Variants in IRX2 observed in about 807,000 individuals in gnomAD.
IRX2 encodes the protein iroquois homeobox 2.
In IRX2, 26 loss-of-function variants were observed where a neutral mutation model predicts 42.9. The ratio of observed to expected loss-of-function variants is 0.61; its 90% CI spans 0.44 to 0.84. The LOEUF is 0.84. Among genes scored for constraint, IRX2 ranks in the 40% least tolerant of loss-of-function variants. The pLI, the probability that IRX2 is intolerant of heterozygous loss-of-function variation, is 0.00. For missense variants in IRX2, 782 were observed against 713.9 expected, an observed-to-expected ratio of 1.10 and a Z score of -1.09; for synonymous variants, 424 against 353.9, an observed-to-expected ratio of 1.20 and a Z score of -2.22.
At position 2,749,647 on chromosome 5, in the gene IRX2, C is replaced by T. The variant is rs770309329; in HGVS notation, c.390G>A (p.Lys130=). Residue 130 remains lysine, a synonymous_variant, in exon 2 of 4, where the codon AAG becomes AAA. Coordinates refer to ENST00000302057, the MANE Select transcript of IRX2 (RefSeq NM_033267.5). The part of the protein sequence containing the change: ...NATRDATATL[K]AWLNEHRKNP... ...TCTTGCGGTGCTCGTTGAGCCAGGCCTTGAGAGTGGCCGTGGCGTCCCGCG... is the reference window on the plus strand; with the variant it reads ...TCTTGCGGTGCTCGTTGAGCCAGGCTTTGAGAGTGGCCGTGGCGTCCCGCG... 1 of 1,614,232 alleles carries T rather than the reference C, an allele frequency of 6.2e-7. No individual in the cohort carries two copies.
At chr5:2,744,219 A>G (rs1737609863), downstream of IRX2, among the ~76,000 whole-genome samples, 2 of 152,128 alleles carry the variant, frequency 1.3e-5, no homozygotes, top group South Asian at 4.2e-4. Context: ...ATAAGCGCAA[A>G]GGTTAATTTT....
Position 2,748,813 on chromosome 5 carries a change from G to C in IRX2, c.895C>G (p.Pro299Ala), listed in dbSNP as rs541340673. Residue 299 changes from proline (P) to alanine (A), a missense_variant, in exon 3 of 4, where the codon CCG becomes GCG. This residue lies in a region of IRX2 where 520 missense variants were observed against 437.8 expected (regional missense o/e 1.19). Transcript: ENST00000302057. Reference sequence around the variant, plus strand: ...CCACCGCGGGGCGCGGCCTCGGGCGGGGGGCTCAGCAGCGGCGCCTCCAAG... The same window carrying C: ...CCACCGCGGGGCGCGGCCTCGGGCGCGGGGCTCAGCAGCGGCGCCTCCAAG... ...TGLEAPLLSP[P>A]PEAAPRGGRK... The C allele has an allele frequency of 1.2e-4, 178 of 1,484,698 alleles. No homozygotes were observed. The African/African-American group carries it at 2.1e-3, about 18-fold the overall frequency. The allele number at this position is 1,484,698 out of a possible 1,614,324, so 92.0% of individuals were successfully genotyped here.
chr5:2,749,173 C>A, intron 2 of IRX2, 121 bp from the exon 3 acceptor site: 2 of 1,481,688 alleles, frequency 1.3e-6, no homozygotes, highest in African/African-American at 1.4e-5. Flanking sequence ...CGCCCCCACC[C>A]GGCCACGTGA....
Position 2,746,303 on chromosome 5 carries a change from A to T in IRX2, c.*1261T>A, listed in dbSNP as rs1433417552. On this transcript the variant is annotated 3_prime_UTR_variant, in exon 4 of 4. Coordinates refer to ENST00000302057, the MANE Select transcript of IRX2 (RefSeq NM_033267.5). ...CAGAATTTATTTACAAAAAGTTTAGATTCCATTGCAATACAACTTGCATAA... is the reference window on the plus strand; with the variant it reads ...CAGAATTTATTTACAAAAAGTTTAGTTTCCATTGCAATACAACTTGCATAA... 1 of 152,236 alleles carries T rather than the reference A, an allele frequency of 6.6e-6. No individual in the cohort carries two copies. Among genetic ancestry groups the T allele is most frequent in the African/African-American group, 2.4e-5 (1 of 41,468 alleles). 9.4% of individuals were successfully genotyped at this position (152,236 alleles called of 1,614,324 possible).
rs1737754397 is a variant in IRX2, at chr5:2,748,293, C to T, written c.1363+52G>A. On this transcript the variant is annotated intron_variant, in intron 3 of 3. Coordinates refer to ENST00000302057, the MANE Select transcript of IRX2 (RefSeq NM_033267.5). ...GGGTCTCCCGGGCGCTCCGCCTCCCCGGGGCTGGCTCTCCCTCCCCTCCCG... is the reference window on the plus strand; with the variant it reads ...GGGTCTCCCGGGCGCTCCGCCTCCCTGGGGCTGGCTCTCCCTCCCCTCCCG... 3.0e-6 allele frequency: 4 copies of T among 1,355,306 alleles called. No individual in the cohort carries two copies. In the African/African-American group the frequency reaches 4.6e-5, roughly 16 times the overall value. The allele number at this position is 1,355,306 out of a possible 1,614,324, so 84.0% of individuals were successfully genotyped here. A position where few individuals can be genotyped will look rare whatever the true frequency, so the allele number is the denominator to read the frequency against.
chr5:2,750,660 A>G (rs971290825), intron 1 of IRX2, among the ~76,000 whole-genome samples: 4 of 152,246 alleles, frequency 2.6e-5, no homozygotes, highest in Non-Finnish European at 5.9e-5. Context: ...CCGGAGCCGC[A>G]GCTGAATGCT....
At chr5:2,744,375 A>G (rs1270372047), downstream of IRX2, among the ~76,000 whole-genome samples, 1 of 152,208 alleles carries the variant, frequency 6.6e-6, no homozygotes, top group Non-Finnish European at 1.5e-5. Flanking sequence ...TACTCTAGTT[A>G]TAACATTACA....
At position 2,748,370 on chromosome 5, in the gene IRX2, C is replaced by G. The variant is rs761789529; in HGVS notation, c.1338G>C (p.Pro446=). ...CTTTCTTGGGCTCGTAGCCGCCGCCCGGGGACCGGTAGTGGGACTCGAGCG... is the reference window on the plus strand; with the variant it reads ...CTTTCTTGGGCTCGTAGCCGCCGCCGGGGGACCGGTAGTGGGACTCGAGCG... The part of the protein sequence containing the change: ...AHPLESHYRS[P]GGGYEPKKDA... The change falls in exon 3 of 4, where the codon CCG becomes CCC. Residue 446 remains proline, a synonymous_variant. Coordinates refer to ENST00000302057, the MANE Select transcript of IRX2 (RefSeq NM_033267.5). 5 of 1,459,836 alleles carry G rather than the reference C, an allele frequency of 3.4e-6. No individual in the cohort carries two copies. Among genetic ancestry groups the G allele is most frequent in the South Asian group, 2.7e-5 (2 of 73,826 alleles). 90.4% of individuals were successfully genotyped at this position (1,459,836 alleles called of 1,614,324 possible).
Position 2,751,202 on chromosome 5 carries a change from T to G in IRX2, c.212A>C (p.Asp71Ala), listed in dbSNP as rs1348131148. 32 of 1,273,298 alleles carry G rather than the reference T, an allele frequency of 2.5e-5. No individual in the cohort carries two copies. Among genetic ancestry groups the G allele is most frequent in the East Asian group, 1.3e-4 (4 of 29,752 alleles). 78.9% of individuals were successfully genotyped at this position (1,273,298 alleles called of 1,614,324 possible). A position where few individuals can be genotyped will look rare whatever the true frequency, so the allele number is the denominator to read the frequency against. Residue 71 changes from aspartate to alanine, a missense_variant, in exon 1 of 4, where the codon GAC becomes GCC. By Grantham distance (126) the Asp-to-Ala change is moderately radical (BLOSUM62 -2). Around this residue, in one of 3 missense-constraint regions of IRX2, gnomAD observed 256 missense variants for 250.0 expected, o/e 1.02. Transcript: ENST00000302057. The surrounding 1 kb of genome is among the most constrained non-coding windows in gnomAD (Gnocchi z 4.0). ...GFGSPLQYSA[D>A]AAAAAAGFPS... ...GAAGCCGGCGGCGGCGGCGGCGGCG[T>G]CGGCCGAGTACTGCAGCGGGCTCCC... is the stretch of plus-strand genomic sequence containing the variant.
At chr5:2,743,076 G>T (rs1737577501), downstream of IRX2, among the ~76,000 whole-genome samples, 1 of 152,314 alleles carries the variant, frequency 6.6e-6, no homozygotes. Context: ...GGAACCCCGA[G>T]CCCTCTCCCA....
In IRX2 at chr5:2,747,588, G is replaced by C. The variant is rs778410180; in HGVS notation, c.1392C>G (p.Gly464=). The C allele has an allele frequency of 7.4e-6, 12 of 1,613,832 alleles. No homozygotes were observed. The South Asian group carries it at 9.9e-5, about 13-fold the overall frequency. The part of the protein sequence containing the change: ...KDASEGCTVV[G]GGVQPYL ...TCTATAGGTAGGGCTGGACGCCCCC[G>C]CCAACCACGGTGCAGCCCTCGCTGG... Residue 464 remains glycine, a synonymous_variant, in exon 4 of 4, where the codon GGC becomes GGG. Coordinates refer to ENST00000302057, the MANE Select transcript of IRX2 (RefSeq NM_033267.5).
chr5:2,749,857 C>A, intron 1 of IRX2, 70 bp from the exon 2 acceptor site: 1 of 1,466,458 alleles, frequency 6.8e-7, no homozygotes, highest in Non-Finnish European at 9.1e-7. Context: ...AGGATGCCAC[C>A]CCTCCGCCCG....
In IRX2 at chr5:2,747,294, C is replaced by T. The variant is rs532852909; in HGVS notation, c.*270G>A. 1.7e-5 allele frequency: 4 copies of T among 233,850 alleles called. No homozygotes were observed. In the East Asian group the frequency reaches 2.8e-4, roughly 16 times the overall value. 14.5% of individuals were successfully genotyped at this position (233,850 alleles called of 1,614,324 possible). A position where few individuals can be genotyped will look rare whatever the true frequency, so the allele number is the denominator to read the frequency against. ...TATATATACATATATATATTACACACACACACACACACATATATATATATA... is the reference window on the plus strand; with the variant it reads ...TATATATACATATATATATTACACATACACACACACACATATATATATATA... On this transcript the variant is annotated 3_prime_UTR_variant, in exon 4 of 4. Transcript: ENST00000302057.
At chr5:2,740,728 C>T in the IRX2 span, among the ~76,000 whole-genome samples, 1 of 152,234 alleles carries the variant, frequency 6.6e-6, no homozygotes, top group East Asian at 1.9e-4. Flanking sequence ...TGGCCCGGAA[C>T]CCCGGGAAGA....
chr5:2,751,466 C>T lies in IRX2; in HGVS notation c.-53G>A, dbSNP rs1737984345. 13 of 1,099,166 alleles carry T rather than the reference C, an allele frequency of 1.2e-5. No homozygotes were observed. In the South Asian group the frequency reaches 3.8e-4, roughly 32 times the overall value. 68.1% of individuals were successfully genotyped at this position (1,099,166 alleles called of 1,614,324 possible). A position where few individuals can be genotyped will look rare whatever the true frequency, so the allele number is the denominator to read the frequency against. ...CACGCCGAGCAGCGGGCAGGGCGCG[C>T]GGCGCCCTCCATCCACGCCCGGCCG... On this transcript the variant is annotated 5_prime_UTR_variant, in exon 1 of 4. Transcript: ENST00000302057. This position sits in a 1 kb window ranked among gnomAD's most constrained non-coding sequence, Gnocchi z 4.0.
At chr5:2,735,778 C>A in the IRX2 span, among the ~76,000 whole-genome samples, 1 of 152,124 alleles carries the variant, frequency 6.6e-6, no homozygotes. Context: ...AATGCCAGGC[C>A]CCATGATCCT....
Position 2,748,659 on chromosome 5 carries a change from C to A in IRX2, c.1049G>T (p.Gly350Val). The part of the protein sequence containing the change: ...LKQPSLGPGC[G>V]PPGLPAAAAP... ...GGCGGCCGCGGGCAGCCCCGGTGGC[C>A]CGCAGCCCGGGCCCAGGCTCGGCTG... The change falls in exon 3 of 4, where the codon GGG becomes GTG. Residue 350 changes from glycine to valine, a missense_variant. Physicochemically the swap from Gly to Val is moderately radical, Grantham distance 109. Transcript: ENST00000302057. The A allele has an allele frequency of 6.5e-6, 9 of 1,382,364 alleles. No individual in the cohort carries two copies. The highest frequency in any genetic ancestry group is 8.4e-6 in the Non-Finnish European group (9 of 1,070,748). The allele number at this position is 1,382,364 out of a possible 1,614,324, so 85.6% of individuals were successfully genotyped here.
chr5:2,747,632 GCAGTTA>G lies in IRX2; in HGVS notation c.1364-22_1364-17del. The G allele has an allele frequency of 6.2e-7, 1 of 1,613,646 alleles. No individual in the cohort carries two copies. Among genetic ancestry groups the G allele is most frequent in the Non-Finnish European group, 8.5e-7 (1 of 1,179,794 alleles). ...TCGCTGGCATCTGTCAGGGGAGTGG[GCAGTTA>G]GTCAGAACCGACCCCACAGCCTGCT... is the stretch of plus-strand genomic sequence containing the variant. On this transcript the variant is annotated splice_polypyrimidine_tract_variant and intron_variant, in intron 3 of 3. Transcript: ENST00000302057.
At position 2,751,572 on chromosome 5, in the gene IRX2, G is replaced by T. The variant is rs1464817921; in HGVS notation, c.-159C>A. On this transcript the variant is annotated 5_prime_UTR_variant, in exon 1 of 4. Transcript: ENST00000302057. This position sits in a 1 kb window ranked among gnomAD's most constrained non-coding sequence, Gnocchi z 4.0. The stretch of plus-strand genomic sequence containing the variant: ...TACTAGCCTGGGCGGCCCGCGGGCC[G>T]GGGCGGCGGCGGGGTGGCGGTGGCG... 1 of 280,546 alleles carries T rather than the reference G, an allele frequency of 3.6e-6. No individual in the cohort carries two copies. The highest frequency in any genetic ancestry group is 5.3e-6 in the Non-Finnish European group (1 of 189,092). 17.4% of individuals were successfully genotyped at this position (280,546 alleles called of 1,614,324 possible).
Sources: allele counts gnomAD v4.1 joint callset (sites outside exome capture counted in the v4.1 genomes callset), GRCh38; gene constraint gnomAD v4.1.1; regional missense constraint gnomAD v4.1.1; non-coding constraint Gnocchi (gnomAD v3.1); transcripts MANE v1.5; gene names NCBI Gene and HGNC (gene_info 2026-07-23, HGNC 2026-07-21).